The following GXYLT2 variants were observed in gnomAD, a reference collection of about 807,000 sequenced individuals.
GXYLT2 encodes the protein glycosyltransferase 8 domain containing 4.
Under a neutral mutation model 45.8 loss-of-function variants are expected in GXYLT2, and 53 were observed. The observed-to-expected ratio is 1.16, with a 90% CI of 0.93 to 1.46. The LOEUF (loss-of-function observed/expected upper bound fraction) is 1.46. GXYLT2 is among the 40% of genes most tolerant of loss of function. The probability of loss-of-function intolerance (pLI) is 0.00; values close to 1 mark genes in which losing one functional copy is unlikely to be tolerated. For synonymous variants in GXYLT2, 219 were observed against 214.2 expected (o/e 1.02, Z -0.19); for missense variants, 551 against 544.4 (o/e 1.01, Z -0.12).
chr3:72,972,109 CTCTT>C (rs1384384288), intron 6 of GXYLT2, among the ~76,000 whole-genome samples: 3 of 152,182 alleles, frequency 2.0e-5, no homozygotes, highest in Admixed American at 6.5e-5. Context: ...AATATTCTCT[CTCTT>C]TCTCTCTATT....
rs1003860235 is a variant in GXYLT2, at chr3:72,975,502, TC to T, written c.*344del. 1.6e-5 allele frequency: 3 copies of T among 183,088 alleles called. No homozygotes were observed. The Admixed American group carries it at 1.8e-4, about 11-fold the overall frequency. 11.3% of individuals were successfully genotyped at this position (183,088 alleles called of 1,614,324 possible). On this transcript the variant is annotated 3_prime_UTR_variant, in exon 7 of 7. Coordinates refer to ENST00000389617, the MANE Select transcript of GXYLT2 (RefSeq NM_001080393.2). ...AGTGGCACCTGAGGTGTTATATTGA[TC>T]TAGCATTCCTGAGACTCTTTCTATG... is the stretch of plus-strand genomic sequence containing the variant.
At chr3:72,889,105 G>A (rs1223438899) in intron 1 of GXYLT2, among the ~76,000 whole-genome samples, 2 of 151,992 alleles carry the variant, frequency 1.3e-5, no homozygotes, top group Non-Finnish European at 2.9e-5. Context: ...GTGGTCAAAG[G>A]GTCCTCCTAC....
At position 72,911,584 on chromosome 3, in the gene GXYLT2, A is replaced by G. The variant is rs557359684; in HGVS notation, c.468+3025A>G. Among the ~76,000 whole-genome samples, 236 of 152,238 alleles carry G rather than the reference A, an allele frequency of 1.6e-3. 7 individuals carry two copies. In the South Asian group the frequency reaches 0.048, roughly 31 times the overall value. On this transcript the variant is annotated intron_variant, in intron 2 of 6. Transcript: ENST00000389617. The stretch of plus-strand genomic sequence containing the variant: ...AGAGTAGCCCTCTGGAGAGGCCTGC[A>G]TGGTGAGGAACAGAGGACCCTTGCC...
At chr3:72,944,788 T>A (rs1710373272) in intron 3 of GXYLT2, among the ~76,000 whole-genome samples, 2 of 152,078 alleles carry the variant, frequency 1.3e-5, no homozygotes, top group South Asian at 4.1e-4. Context: ...TTTCCTCCCC[T>A]AGCTCTCTTT....
chr3:72,898,102 T>A (rs1418721177), intron 1 of GXYLT2, among the ~76,000 whole-genome samples: 1 of 152,252 alleles, frequency 6.6e-6, no homozygotes, highest in Admixed American at 6.5e-5. Context: ...TTTTTGCTAG[T>A]GGTATTTAAA....
At chr3:72,951,077 C>A (rs1009269077) in intron 3 of GXYLT2, among the ~76,000 whole-genome samples, 2 of 152,128 alleles carry the variant, frequency 1.3e-5, no homozygotes, top group African/African-American at 4.8e-5. Flanking sequence ...TATATCCTTT[C>A]GATAAATATC....
intron 3 of GXYLT2, among the ~76,000 whole-genome samples, chr3:72,944,818 G>T (rs1220893641): frequency 2.6e-5 from 4 of 151,942 alleles, no homozygotes; most frequent in Admixed American, 2.6e-4. Context: ...TAGTTTGCAG[G>T]GCATTTTCGA....
At chr3:72,918,957 C>G (rs1262244221) in intron 2 of GXYLT2, among the ~76,000 whole-genome samples, 1 of 152,194 alleles carries the variant, frequency 6.6e-6, no homozygotes, top group African/African-American at 2.4e-5. Flanking sequence ...ATTTGAATGG[C>G]TAAAATCTAG....
At chr3:72,909,132 G>A (rs79335146) in intron 2 of GXYLT2, among the ~76,000 whole-genome samples, 4 of 140,170 alleles carry the variant, frequency 2.9e-5, no homozygotes, top group Non-Finnish European at 4.5e-5. Flanking sequence ...CCAGTGGTGC[G>A]ATCTTAGCTC....
intron 3 of GXYLT2, among the ~76,000 whole-genome samples, chr3:72,937,020 G>C (rs1406627220): frequency 1.3e-5 from 2 of 152,148 alleles, no homozygotes; most frequent in African/African-American, 2.4e-5. Flanking sequence ...GAAAATAGTA[G>C]AGAATATGGT....
chr3:72,936,576 G>A (rs1299090459), intron 3 of GXYLT2, among the ~76,000 whole-genome samples: 2 of 152,138 alleles, frequency 1.3e-5, no homozygotes, highest in Non-Finnish European at 2.9e-5. Flanking sequence ...GGAGGCAGAA[G>A]ATGTAGTGAG....
chr3:72,965,449 G>A (rs1228922137), intron 5 of GXYLT2, among the ~76,000 whole-genome samples: 1 of 152,098 alleles, frequency 6.6e-6, no homozygotes, highest in African/African-American at 2.4e-5. Flanking sequence ...CCTCTCTTGT[G>A]CTCTCTCACA....
chr3:72,944,702 C>A (rs1298490150), intron 3 of GXYLT2, among the ~76,000 whole-genome samples: 1 of 152,138 alleles, frequency 6.6e-6, no homozygotes, highest in Non-Finnish European at 1.5e-5. Flanking sequence ...TCAGCAGGCT[C>A]ATTTTCCAAA....
chr3:72,917,297 A>G lies in GXYLT2; in HGVS notation c.469-4907A>G, dbSNP rs1709760664. ...ATTTTGGGCTGTTGTGCGGTGGTAC[A>G]ATTGTACTGGTATTTGTGCCCAGTA... On this transcript the variant is annotated intron_variant, in intron 2 of 6. Transcript: ENST00000389617. Among the ~76,000 whole-genome samples the G allele has an allele frequency of 2.6e-5, 4 of 151,996 alleles. No homozygotes were observed. In the South Asian group the frequency reaches 8.3e-4, roughly 32 times the overall value.
At chr3:72,949,584 T>C (rs1297549756) in intron 3 of GXYLT2, among the ~76,000 whole-genome samples, 2 of 130,322 alleles carry the variant, frequency 1.5e-5, no homozygotes, top group Admixed American at 9.5e-5. Context: ...CGATCTCAGC[T>C]GACTGCAACC....
At chr3:72,922,956 A>C (rs1251835408) in intron 3 of GXYLT2, among the ~76,000 whole-genome samples, 1 of 151,914 alleles carries the variant, frequency 6.6e-6, no homozygotes, top group Non-Finnish European at 1.5e-5. Flanking sequence ...CCATCTCTAC[A>C]AAAAATACAA....
intron 5 of GXYLT2, among the ~76,000 whole-genome samples, chr3:72,966,057 T>G (rs948944506): frequency 6.6e-6 from 1 of 152,102 alleles, no homozygotes; most frequent in African/African-American, 2.4e-5. Flanking sequence ...CTCAGCTCAC[T>G]GCAACCCCTG....
chr3:72,929,319 A>T, intron 3 of GXYLT2: 1 of 1,149,310 alleles, frequency 8.7e-7, no homozygotes, highest in Non-Finnish European at 1.3e-6. Context: ...GACTGTGACG[A>T]CTGGGAGAGC....
At chr3:72,957,490 C>T in intron 5 of GXYLT2, 138 bp downstream of exon 5, 2 of 813,872 alleles carry the variant, frequency 2.5e-6, no homozygotes, top group South Asian at 2.2e-5. Flanking sequence ...GAAGTTTGCC[C>T]TTTCATCCGC....
Sources: gnomAD v4.1 joint callset for allele counts (sites outside exome capture counted in the v4.1 genomes callset) on GRCh38, gnomAD v4.1.1 for gene constraint, MANE v1.5 for transcripts, NCBI Gene and HGNC (gene_info 2026-07-23, HGNC 2026-07-21) for gene names.